Variants in METTL8 observed in about 807,000 individuals in gnomAD.
METTL8 encodes the protein methyltransferase 8, tRNA N3-cytidine.
A neutral mutation model predicts 48.7 loss-of-function variants in METTL8; 32 were observed. The ratio of observed to expected loss-of-function variants is 0.66; its 90% CI spans 0.50 to 0.88. The LOEUF is 0.88. METTL8 is among the 40% of genes least tolerant of loss of function. The probability of loss-of-function intolerance (pLI) is 0.00; values close to 1 mark genes in which losing one functional copy is unlikely to be tolerated. For synonymous variants in METTL8, 136 were observed against 157.1 expected (o/e 0.87, Z 1.01); for missense variants, 464 against 474.4 (o/e 0.98, Z 0.20).
chr2:171,404,115 C>T (rs1689946061), intron 1 of METTL8, among the ~76,000 whole-genome samples: 1 of 115,512 alleles, frequency 8.7e-6, no homozygotes, highest in African/African-American at 3.4e-5. Flanking sequence ...GTTTAACTTA[C>T]AAATTAGGCT....
intron 5 of METTL8, among the ~76,000 whole-genome samples, chr2:171,336,886 T>G (rs1284393252): frequency 6.7e-6 from 1 of 148,238 alleles, no homozygotes; most frequent in Non-Finnish European, 1.5e-5. Flanking sequence ...TTTTTTTTTT[T>G]GAGACTGAGT....
intron 3 of METTL8, among the ~76,000 whole-genome samples, chr2:171,348,188 CAG>C (rs1457228113): frequency 6.6e-6 from 1 of 152,152 alleles, no homozygotes; most frequent in East Asian, 1.9e-4. Flanking sequence ...TTGGTTTACA[CAG>C]AGGAATGCTA....
At chr2:171,371,523 A>T (rs2105502378) in intron 2 of METTL8, among the ~76,000 whole-genome samples, 1 of 151,858 alleles carries the variant, frequency 6.6e-6, no homozygotes, top group East Asian at 1.9e-4. Flanking sequence ...CACCCAGCCA[A>T]TTTTTGTATT....
At chr2:171,352,820 T>G (rs1338467535) in intron 3 of METTL8, among the ~76,000 whole-genome samples, 2 of 152,104 alleles carry the variant, frequency 1.3e-5, no homozygotes, top group African/African-American at 4.8e-5. Context: ...TGATATCCCC[T>G]TTATCATTTT....
At chr2:171,360,381 T>C (rs1685030582) in intron 3 of METTL8, 41 bp downstream of exon 3, 1 of 1,568,222 alleles carries the variant, frequency 6.4e-7, no homozygotes, top group Non-Finnish European at 8.8e-7. Flanking sequence ...GAAAAGTCAC[T>C]AAAGCTCTGG....
intron 1 of METTL8, among the ~76,000 whole-genome samples, chr2:171,425,839 T>C (rs575507774): frequency 3.3e-5 from 5 of 152,306 alleles, no homozygotes; most frequent in African/African-American, 1.2e-4. Context: ...TAAGAATGTC[T>C]ATAACAGCAC....
At chr2:171,366,861 C>T (rs1573999579) in intron 2 of METTL8, among the ~76,000 whole-genome samples, 1 of 148,524 alleles carries the variant, frequency 6.7e-6, no homozygotes, top group East Asian at 2.0e-4. Flanking sequence ...ACCACTCCAG[C>T]CTGGGTGACA....
At chr2:171,434,636 G>T (rs1693686548), upstream of METTL8, 3 of 1,533,506 alleles carry the variant, frequency 2.0e-6, no homozygotes, top group Non-Finnish European at 2.6e-6. Context: ...GCGCTGGGCT[G>T]CTTCTCGCGC....
At chr2:171,418,182 A>T (rs1691508648) in intron 1 of METTL8, among the ~76,000 whole-genome samples, 2 of 152,108 alleles carry the variant, frequency 1.3e-5, no homozygotes, top group South Asian at 4.1e-4. Flanking sequence ...TGACCTCATG[A>T]TCCACCCGTG....
At chr2:171,414,462 C>T (rs1691090108) in intron 1 of METTL8, 1 of 151,802 alleles carries the variant, frequency 6.6e-6, no homozygotes, top group Non-Finnish European at 1.5e-5. Context: ...CCCAGTAGCT[C>T]ACACCTGTAA....
intron 3 of METTL8, among the ~76,000 whole-genome samples, chr2:171,352,358 T>C (rs982210489): frequency 6.6e-6 from 1 of 152,178 alleles, no homozygotes; most frequent in African/African-American, 2.4e-5. Context: ...CTGGATTCAG[T>C]TTGCCAGTAT....
chr2:171,367,993 T>C (rs1170287088), intron 2 of METTL8, among the ~76,000 whole-genome samples: 1 of 152,140 alleles, frequency 6.6e-6, no homozygotes, highest in African/African-American at 2.4e-5. Context: ...ATAAAAACAA[T>C]GAGGGGTAAA....
intron 5 of METTL8, among the ~76,000 whole-genome samples, chr2:171,333,871 G>A (rs544309008): frequency 2.0e-4 from 30 of 152,186 alleles, no homozygotes; most frequent in Non-Finnish European, 3.1e-4. Flanking sequence ...TAAAAAAAGA[G>A]ATAAACATGG....
At chr2:171,341,286 C>G (rs1055466748) in intron 3 of METTL8, among the ~76,000 whole-genome samples, 3 of 151,326 alleles carry the variant, frequency 2.0e-5, no homozygotes, top group African/African-American at 7.3e-5. Flanking sequence ...CGAGATCACG[C>G]CATTGCACTC....
intron 2 of METTL8, among the ~76,000 whole-genome samples, chr2:171,367,325 T>A (rs1685830350): frequency 6.6e-6 from 1 of 152,136 alleles, no homozygotes; most frequent in South Asian, 2.1e-4. Context: ...ACAGCTGATT[T>A]CTCATCAGAA....
chr2:171,434,378 G>T (rs1255837479), upstream of METTL8: 7 of 890,630 alleles, frequency 7.9e-6, no homozygotes, highest in Admixed American at 1.2e-4. Context: ...TTCTCTCCGC[G>T]CTCTGGCGGT....
chr2:171,347,295 CAG>C (rs1294152746), intron 3 of METTL8, among the ~76,000 whole-genome samples: 2 of 152,190 alleles, frequency 1.3e-5, no homozygotes, highest in Non-Finnish European at 2.9e-5. Context: ...CCTGCTTCTA[CAG>C]AGAGAGGCCA....
At chr2:171,388,248 C>T (rs1688263056) in intron 2 of METTL8, among the ~76,000 whole-genome samples, 1 of 152,168 alleles carries the variant, frequency 6.6e-6, no homozygotes, top group Admixed American at 6.5e-5. Context: ...GCTTCTAATT[C>T]TTCCTGCTGA....
Position 171,392,111 on chromosome 2 carries a change from G to A in METTL8, c.75C>T (p.Tyr25=), listed in dbSNP as rs910856562. The change falls in exon 2 of 10, where the codon TAC becomes TAT. Residue 25 remains tyrosine, a synonymous_variant. Transcript: ENST00000375258. ...GKVPHRYQSG[Y]HPVAPLGSRI... is the part of the protein sequence containing the mutation. ...TTGATCCCAGAGGGGCCACTGGGTG[G>A]TAACCACTTTGGTATCTGTGTGGCA... 7 of 1,551,368 alleles carry A rather than the reference G, an allele frequency of 4.5e-6. No homozygotes were observed. In the African/African-American group the frequency reaches 8.2e-5, roughly 18 times the overall value.
Sources: gnomAD v4.1 joint callset for allele counts (sites outside exome capture counted in the v4.1 genomes callset) on GRCh38, gnomAD v4.1.1 for gene constraint, MANE v1.5 for transcripts, NCBI Gene and HGNC (gene_info 2026-07-23, HGNC 2026-07-21) for gene names.